The following FAM53B variants were observed in gnomAD, a reference collection of about 807,000 sequenced individuals.
The protein encoded by FAM53B is family with sequence similarity 53 member B.
A neutral mutation model predicts 32.7 loss-of-function variants in FAM53B; 12 were observed. The observed-to-expected ratio is 0.37, with a 90% CI of 0.24 to 0.59. The LOEUF (loss-of-function observed/expected upper bound fraction) is 0.59. Among genes scored for constraint, FAM53B ranks in the 20% least tolerant of loss-of-function variants. FAM53B has a pLI of 0.72. For missense variants in FAM53B, 477 were observed against 577.7 expected (o/e 0.83, Z 1.79); for synonymous variants, 234 against 228.7 (o/e 1.02, Z -0.21).
At chr10:124,735,869 G>C (rs532630130) in intron 1 of FAM53B, among the ~76,000 whole-genome samples, 1 of 152,232 alleles carries the variant, frequency 6.6e-6, no homozygotes, top group Non-Finnish European at 1.5e-5. Context: ...ATGGCATGGC[G>C]GGCAAAGGGC....
chr10:124,705,589 C>T (rs1354800908), intron 2 of FAM53B: 1 of 152,324 alleles, frequency 6.6e-6, no homozygotes, highest in African/African-American at 2.4e-5. Flanking sequence ...GACACCCTCC[C>T]TCTAGACCAC....
At chr10:124,662,577 A>G (rs1415276305) in intron 4 of FAM53B, among the ~76,000 whole-genome samples, 1 of 151,504 alleles carries the variant, frequency 6.6e-6, no homozygotes, top group Non-Finnish European at 1.5e-5. Flanking sequence ...GTGCTTTCGG[A>G]GGCTCAGGCA....
chr10:124,625,170 C>G (rs192709121), intron 4 of FAM53B, among the ~76,000 whole-genome samples: 1 of 152,330 alleles, frequency 6.6e-6, no homozygotes, highest in East Asian at 1.9e-4. Flanking sequence ...GTTGAACCAG[C>G]CTCAGCGGAT....
chr10:124,663,792 C>T (rs1214433497), intron 4 of FAM53B, among the ~76,000 whole-genome samples: 1 of 152,038 alleles, frequency 6.6e-6, no homozygotes, highest in Non-Finnish European at 1.5e-5. Flanking sequence ...TTCCAGGGCG[C>T]CTACCAGCAG....
At chr10:124,673,945 G>C (rs1267837137) in intron 4 of FAM53B, among the ~76,000 whole-genome samples, 1 of 152,192 alleles carries the variant, frequency 6.6e-6, no homozygotes, top group African/African-American at 2.4e-5. Context: ...AGAGAAGCAG[G>C]GCAACGGGCT....
chr10:124,700,881 G>A (rs567935446), intron 2 of FAM53B, among the ~76,000 whole-genome samples: 54 of 152,356 alleles, frequency 3.5e-4, no homozygotes, highest in African/African-American at 1.2e-3. Context: ...GGGAACGAGT[G>A]GAGCACCCAC....
chr10:124,739,169 A>C (rs1387629689), intron 1 of FAM53B, among the ~76,000 whole-genome samples: 1 of 152,200 alleles, frequency 6.6e-6, no homozygotes. Flanking sequence ...TTCTGCTTTG[A>C]GATAAAACAG....
intron 2 of FAM53B, among the ~76,000 whole-genome samples, chr10:124,705,874 T>C (rs568720059): frequency 9.8e-4 from 149 of 152,344 alleles, no homozygotes; most frequent in Non-Finnish European, 1.8e-3. Flanking sequence ...GGAGGGGTCC[T>C]GGGCAAGGTG....
chr10:124,687,251 C>T (rs945481727), intron 3 of FAM53B, among the ~76,000 whole-genome samples: 5 of 152,168 alleles, frequency 3.3e-5, no homozygotes, highest in Admixed American at 1.3e-4. Flanking sequence ...CAAAGGGCCT[C>T]GGTAGGCCTC....
At chr10:124,665,550 C>T (rs1436231856) in intron 4 of FAM53B, among the ~76,000 whole-genome samples, 3 of 152,240 alleles carry the variant, frequency 2.0e-5, no homozygotes, top group Non-Finnish European at 4.4e-5. Flanking sequence ...CTTCCTAGAA[C>T]AATCCCATAT....
intron 1 of FAM53B, among the ~76,000 whole-genome samples, chr10:124,723,908 C>G (rs1950086127): frequency 6.6e-6 from 1 of 152,208 alleles, no homozygotes; most frequent in African/African-American, 2.4e-5. Context: ...GTTGAACCGG[C>G]AAATCTCATG....
rs191050406 is a variant in FAM53B, at chr10:124,657,484, T to G, written c.906+24123A>C. 3.3e-5 allele frequency among the ~76,000 whole-genome samples: 5 copies of G among 152,328 alleles called. No individual in the cohort carries two copies. The East Asian group carries it at 9.6e-4, about 29-fold the overall frequency. ...GCTCAGAAAAAGGACTGCAAGGAAC[T>G]ACACCAAATATTTAAAGATCATTAT... On this transcript the variant is annotated intron_variant, in intron 4 of 4. Coordinates refer to ENST00000337318, the MANE Select transcript of FAM53B (RefSeq NM_014661.4).
intron 3 of FAM53B, among the ~76,000 whole-genome samples, chr10:124,685,694 T>C (rs1949798455): frequency 6.6e-6 from 1 of 152,230 alleles, no homozygotes; most frequent in African/African-American, 2.4e-5. Flanking sequence ...TGGCCTGGAA[T>C]CTTCCCCATC....
intron 4 of FAM53B, among the ~76,000 whole-genome samples, chr10:124,660,516 C>A (rs1949624368): frequency 6.6e-6 from 1 of 152,252 alleles, no homozygotes; most frequent in Non-Finnish European, 1.5e-5. Flanking sequence ...TTCCCACAGC[C>A]CCCTCGCCAG....
At chr10:124,720,162 T>TAAAAAAAAA (rs1351549210) in intron 1 of FAM53B, among the ~76,000 whole-genome samples, 1 of 95,990 alleles carries the variant, frequency 1.0e-5, no homozygotes. Context: ...AGACTTCATC[T>TAAAAAAAAA]AAAAAAAAAA....
chr10:124,700,642 G>C (rs1343851579), intron 2 of FAM53B, among the ~76,000 whole-genome samples: 1 of 152,204 alleles, frequency 6.6e-6, no homozygotes, highest in African/African-American at 2.4e-5. Flanking sequence ...GGAGGCTTCA[G>C]GGCCATCTGT....
Position 124,621,720 on chromosome 10 carries a change from T to G in FAM53B, c.*1522A>C, listed in dbSNP as rs1949311910. The G allele has an allele frequency of 2.0e-5, 3 of 152,262 alleles. No homozygotes were observed. Among genetic ancestry groups the G allele is most frequent in the African/African-American group, 7.2e-5 (3 of 41,462 alleles). The allele number at this position is 152,262 out of a possible 1,614,324, so 9.4% of individuals were successfully genotyped here. ...GAAAGAAGGTGAGAAGCATCTGGAC[T>G]CAACCTGCAGAAGCGAGGCGTTCAC... is the stretch of plus-strand genomic sequence containing the variant. On this transcript the variant is annotated 3_prime_UTR_variant, in exon 5 of 5. Coordinates refer to ENST00000337318, the MANE Select transcript of FAM53B (RefSeq NM_014661.4).
intron 1 of FAM53B, among the ~76,000 whole-genome samples, chr10:124,732,379 G>A (rs939329378): frequency 2.6e-5 from 4 of 152,168 alleles, no homozygotes; most frequent in Non-Finnish European, 5.9e-5. Context: ...CAAGTGCAGG[G>A]GAAGGGCTTG....
chr10:124,700,379 G>T (rs1002699768), intron 2 of FAM53B, among the ~76,000 whole-genome samples: 2 of 149,130 alleles, frequency 1.3e-5, no homozygotes, highest in African/African-American at 4.9e-5. Context: ...CCACCAGGCC[G>T]AGGGAACCCC....
Sources: allele counts gnomAD v4.1 joint callset (sites outside exome capture counted in the v4.1 genomes callset), GRCh38; gene constraint gnomAD v4.1.1; transcripts MANE v1.5; gene names NCBI Gene and HGNC (gene_info 2026-07-23, HGNC 2026-07-21).